Variants in DAB1 observed in about 807,000 individuals in gnomAD.
DAB1 encodes DAB adaptor protein 1.
DAB1 carries 15 observed loss-of-function variants against 64.6 expected under a neutral mutation model. The ratio of observed to expected loss-of-function variants is 0.23; its 90% CI spans 0.16 to 0.36. The LOEUF (loss-of-function observed/expected upper bound fraction) is 0.36, where lower values mean the gene tolerates loss of function less well. DAB1 is among the 10% of genes least tolerant of loss of function. DAB1 has a pLI of 1.00. For missense variants in DAB1, 596 were observed against 706.7 expected, an observed-to-expected ratio of 0.84 and a Z score of 1.78; for synonymous variants, 235 against 251.9, an observed-to-expected ratio of 0.93 and a Z score of 0.64.
At chr1:57,233,529 G>A (rs1417471520) in intron 2 of DAB1, among the ~76,000 whole-genome samples, 2 of 151,948 alleles carry the variant, frequency 1.3e-5, no homozygotes, top group Non-Finnish European at 2.9e-5. Flanking sequence ...GGGAGCCCGA[G>A]GCAGGTGGAT....
chr1:57,193,404 T>TTTTTTTTTTTTTAG (rs3042177), intron 2 of DAB1, among the ~76,000 whole-genome samples: 1 of 144,768 alleles, frequency 6.9e-6, no homozygotes, highest in Non-Finnish European at 1.5e-5. Flanking sequence ...TTTTTTTTTT[T>TTTTTTTTTTTTTAG]GAGACAGAGT....
intron 6 of DAB1, among the ~76,000 whole-genome samples, chr1:57,678,452 A>C (rs1208533798): frequency 6.6e-6 from 1 of 152,180 alleles, no homozygotes; most frequent in African/African-American, 2.4e-5. Context: ...AAATGATGCC[A>C]TATTGAAGAA....
intron 1 of DAB1, among the ~76,000 whole-genome samples, chr1:57,831,796 G>C (rs1437467576): frequency 6.6e-6 from 1 of 151,904 alleles, no homozygotes; most frequent in Non-Finnish European, 1.5e-5. Flanking sequence ...TTCAACCTCA[G>C]CCTCTCAAAG....
rs553424049 is a variant in DAB1, at chr1:58,491,492, C to T, written n.257+14568G>A. Among the ~76,000 whole-genome samples the T allele has an allele frequency of 1.4e-4, 22 of 152,132 alleles. No individual in the cohort carries two copies. The South Asian group carries it at 2.1e-3, about 14-fold the overall frequency. ...GGCAAATTGGATAAAGAGTCAAGAC[C>T]CATCAGTGTGCTGTATTCAGGAAAC... On this transcript the variant is annotated intron_variant and non_coding_transcript_variant, in intron 3 of 20. Transcript: ENST00000485760.
chr1:58,343,266 T>TGGAC (rs1643960326), intron 4 of DAB1: 1 of 149,728 alleles, frequency 6.7e-6, no homozygotes, highest in African/African-American at 2.5e-5. Context: ...GATGGATGGA[T>TGGAC]GGATGGATGG....
intron 6 of DAB1, among the ~76,000 whole-genome samples, chr1:57,777,788 T>G (rs190044133): frequency 6.6e-5 from 10 of 152,240 alleles, no homozygotes; most frequent in Non-Finnish European, 1.5e-4. Flanking sequence ...TTTCTGATTT[T>G]AGGTCATCTG....
At chr1:57,320,900 C>A (rs1675660952) in intron 1 of DAB1, among the ~76,000 whole-genome samples, 1 of 152,018 alleles carries the variant, frequency 6.6e-6, no homozygotes, top group East Asian at 1.9e-4. Flanking sequence ...AATGATGAAG[C>A]CGAAATTTAA....
At chr1:57,422,138 G>A (rs1017616035) in intron 1 of DAB1, among the ~76,000 whole-genome samples, 25 of 152,194 alleles carry the variant, frequency 1.6e-4, no homozygotes, top group African/African-American at 6.0e-4. Flanking sequence ...GGTTCTGAAC[G>A]TAAGCCACCT....
intron 5 of DAB1, among the ~76,000 whole-genome samples, chr1:57,950,506 T>C (rs1162278848): frequency 3.3e-5 from 5 of 152,162 alleles, no homozygotes; most frequent in Non-Finnish European, 5.9e-5. Context: ...AAAACATAAA[T>C]GGGATCACTT....
chr1:58,504,571 G>T (rs1013833524), intron 3 of DAB1, among the ~76,000 whole-genome samples: 4 of 151,632 alleles, frequency 2.6e-5, no homozygotes, highest in Non-Finnish European at 5.9e-5. Flanking sequence ...TTTCTTATTT[G>T]CATTACCTAA....
intron 7 of DAB1, among the ~76,000 whole-genome samples, chr1:57,567,233 A>G (rs1645133968): frequency 6.6e-6 from 1 of 152,226 alleles, no homozygotes; most frequent in Admixed American, 6.5e-5. Flanking sequence ...ACAGCCCTTC[A>G]TGCTAAAAAC....
intron 4 of DAB1, among the ~76,000 whole-genome samples, chr1:57,077,228 A>G (rs1389317600): frequency 6.6e-6 from 1 of 152,200 alleles, no homozygotes; most frequent in African/African-American, 2.4e-5. Flanking sequence ...GGTTCTGAGA[A>G]CAGGACCTTG....
At chr1:58,466,550 C>A (rs551618957) in intron 3 of DAB1, among the ~76,000 whole-genome samples, 3 of 152,198 alleles carry the variant, frequency 2.0e-5, no homozygotes, top group African/African-American at 7.2e-5. Context: ...ATGGGATACT[C>A]GGGAAGAATG....
At chr1:57,000,040 CTTTT>C (rs397863684) in intron 14 of DAB1, among the ~76,000 whole-genome samples, 5 of 112,466 alleles carry the variant, frequency 4.4e-5, no homozygotes, top group East Asian at 2.8e-4. Context: ...TTCCTTCTGC[CTTTT>C]TTTTTTTTTT....
chr1:58,113,584 G>A (rs1057019942), intron 5 of DAB1, among the ~76,000 whole-genome samples: 1 of 152,066 alleles, frequency 6.6e-6, no homozygotes, highest in African/African-American at 2.4e-5. Context: ...TTGTGTACTG[G>A]AATCCCTGGA....
chr1:58,226,136 A>T lies in DAB1; in HGVS notation n.310-75548T>A, dbSNP rs138323355. On this transcript the variant is annotated intron_variant and non_coding_transcript_variant, in intron 4 of 20. Coordinates refer to the DAB1 transcript ENST00000485760. ...AGCAACTGGAATTCTAGCTCTGGCC[A>T]TCTCCAAGTCATGGTATCTCCATCA... Among the ~76,000 whole-genome samples the T allele has an allele frequency of 7.9e-5, 12 of 152,234 alleles. No individual in the cohort carries two copies. In the East Asian group the frequency reaches 2.1e-3, roughly 27 times the overall value.
At chr1:57,048,072 A>G (rs990312173) in intron 9 of DAB1, among the ~76,000 whole-genome samples, 1 of 152,220 alleles carries the variant, frequency 6.6e-6, no homozygotes, top group African/African-American at 2.4e-5. Flanking sequence ...AAAGAACTCT[A>G]TAAGGTAGTT....
At chr1:58,487,877 T>C (rs575744621) in intron 3 of DAB1, among the ~76,000 whole-genome samples, 5 of 152,222 alleles carry the variant, frequency 3.3e-5, no homozygotes, top group African/African-American at 1.2e-4. Flanking sequence ...TTCTCCCAAA[T>C]ATTTCAGTTT....
intron 4 of DAB1, among the ~76,000 whole-genome samples, chr1:58,229,701 G>A (rs1193810693): frequency 6.6e-6 from 1 of 152,188 alleles, no homozygotes; most frequent in Non-Finnish European, 1.5e-5. Context: ...TTGAAGCACT[G>A]GCAAAGCACT....
Sources: gnomAD v4.1 joint callset for allele counts (sites outside exome capture counted in the v4.1 genomes callset) on GRCh38, gnomAD v4.1.1 for gene constraint, MANE v1.5 for transcripts, NCBI Gene and HGNC (gene_info 2026-07-23, HGNC 2026-07-21) for gene names.